MTTP: variants seen among roughly 807,000 people sequenced by gnomAD.
MTTP encodes microsomal triglyceride transfer protein.
In MTTP, 49 loss-of-function variants were observed where a neutral mutation model predicts 90.6. The ratio of observed to expected loss-of-function variants is 0.54; its 90% CI spans 0.43 to 0.69. MTTP has a LOEUF of 0.69. Ranked by LOEUF, MTTP falls within the 30% of genes least tolerant of loss-of-function variation. The probability of loss-of-function intolerance (pLI) is 0.00; values close to 1 mark genes in which losing one functional copy is unlikely to be tolerated. For synonymous variants in MTTP, 347 were observed against 384.2 expected (o/e 0.90, Z 1.13); for missense variants, 945 against 1,067.5 (o/e 0.89, Z 1.60).
Position 99,591,287 on chromosome 4 carries a change from T to G in MTTP, c.554T>G (p.Val185Gly). 6.2e-7 allele frequency: 1 copy of G among 1,614,076 alleles called. No homozygotes were observed. Among genetic ancestry groups the G allele is most frequent in the Non-Finnish European group, 8.5e-7 (1 of 1,179,938 alleles). Residue 185 changes from valine to glycine, a missense_variant, in exon 5 of 18, where the codon GTG becomes GGG. Val to Gly is a moderately radical substitution (Grantham distance 109). Transcript: ENST00000265517. ...KVTYQAHQDK[V>G]IKIKALDSCK... ...ACCTACCAGGCTCATCAAGACAAAG[T>G]GATCAAAATTAAGGCCTTGGATTCA...
intron 1 of MTTP, 39 bp from the exon 2 acceptor site, chr4:99,581,866 T>C (rs977792436): frequency 1.2e-6 from 2 of 1,604,670 alleles, no homozygotes; most frequent in African/African-American, 2.7e-5. Context: ...CATGTTCCCT[T>C]ACAATGAAAA....
intron 3 of MTTP, among the ~76,000 whole-genome samples, chr4:99,587,524 C>T (rs1024326235): frequency 6.6e-6 from 1 of 152,124 alleles, no homozygotes. Context: ...GAACCTTATG[C>T]ACAGTCCAAA....
intron 2 of MTTP, 77 bp from the exon 3 acceptor site, chr4:99,583,297 C>G: frequency 6.7e-7 from 1 of 1,496,650 alleles, no homozygotes; most frequent in Non-Finnish European, 9.1e-7. Context: ...GTTTCTTTAT[C>G]ATTTTATTTT....
chr4:99,618,866 A>G (rs1578257146), intron 15 of MTTP, 108 bp from the exon 16 acceptor site: 1 of 1,438,242 alleles, frequency 7.0e-7, no homozygotes, highest in African/African-American at 1.4e-5. Flanking sequence ...CATCAACACA[A>G]CTCAAATGGA....
chr4:99,616,755 C>T (rs1453985933), intron 15 of MTTP, among the ~76,000 whole-genome samples: 1 of 152,098 alleles, frequency 6.6e-6, no homozygotes, highest in Non-Finnish European at 1.5e-5. Flanking sequence ...TCTTTTGTCC[C>T]TTTGTGTAAG....
intron 1 of MTTP, among the ~76,000 whole-genome samples, chr4:99,575,507 G>A (rs1724934350): frequency 6.6e-6 from 1 of 152,120 alleles, no homozygotes; most frequent in Non-Finnish European, 1.5e-5. Flanking sequence ...AGAATTCATA[G>A]TGAATTAAAG....
chr4:99,589,435 T>A (rs1007795081), intron 3 of MTTP, among the ~76,000 whole-genome samples: 2 of 152,040 alleles, frequency 1.3e-5, no homozygotes, highest in Admixed American at 1.3e-4. Flanking sequence ...AGAGCCTTCA[T>A]TATCGGTCTC....
At chr4:99,614,723 G>A (rs535002942) in intron 15 of MTTP, among the ~76,000 whole-genome samples, 3 of 152,210 alleles carry the variant, frequency 2.0e-5, no homozygotes, top group Non-Finnish European at 4.4e-5. Flanking sequence ...TGGAAGAAGG[G>A]AAGGATAAGA....
rs112407688 is a variant in MTTP, at chr4:99,622,961, G to A, written c.*113G>A. 1 of 1,333,840 alleles carries A rather than the reference G, an allele frequency of 7.5e-7. No homozygotes were observed. Among genetic ancestry groups the A allele is most frequent in the Non-Finnish European group, 1.1e-6 (1 of 931,720 alleles). The allele number at this position is 1,333,840 out of a possible 1,614,324, so 82.6% of individuals were successfully genotyped here. ...CGTTTACATATTTACCTGTATTTAA[G>A]ATTTTTGTAAAAAGCTACAAAAAAC... is the stretch of plus-strand genomic sequence containing the variant. On this transcript the variant is annotated 3_prime_UTR_variant, in exon 18 of 18. Transcript: ENST00000265517.
At chr4:99,619,201 T>G (rs1030911798) in intron 16 of MTTP, 103 bp downstream of exon 16, 2 of 1,085,302 alleles carry the variant, frequency 1.8e-6, no homozygotes, top group Non-Finnish European at 1.4e-6. Context: ...TTTCAAAATC[T>G]ATGCTTTCTA....
chr4:99,591,195 C>G (rs2110218238), intron 4 of MTTP, 40 bp from the exon 5 acceptor site: 1 of 1,439,444 alleles, frequency 6.9e-7, no homozygotes, highest in East Asian at 2.3e-5. Flanking sequence ...AAATGGCCCA[C>G]AAGGAATCCC....
chr4:99,587,250 A>G (rs1725279013), intron 3 of MTTP, among the ~76,000 whole-genome samples: 1 of 152,190 alleles, frequency 6.6e-6, no homozygotes, highest in Admixed American at 6.6e-5. Context: ...GGATCTCATC[A>G]GTCTACACTA....
intron 9 of MTTP, 65 bp from the exon 10 acceptor site, chr4:99,601,542 T>A: frequency 8.2e-7 from 1 of 1,221,272 alleles, no homozygotes. Flanking sequence ...ATTTTTTAAC[T>A]AAAAGTGTTC....
intron 3 of MTTP, among the ~76,000 whole-genome samples, chr4:99,586,494 C>G (rs1340262249): frequency 1.3e-5 from 2 of 152,070 alleles, no homozygotes; most frequent in East Asian, 3.9e-4. Flanking sequence ...TTGATTTGCT[C>G]TCTAAATCAG....
intron 2 of MTTP, among the ~76,000 whole-genome samples, chr4:99,582,747 C>G (rs537997410): frequency 3.9e-5 from 6 of 152,238 alleles, no homozygotes; most frequent in Non-Finnish European, 7.4e-5. Context: ...TGGTGTGAAA[C>G]AGGTACACAG....
intron 1 of MTTP, among the ~76,000 whole-genome samples, chr4:99,566,015 C>T (rs1376810168): frequency 2.6e-5 from 4 of 152,076 alleles, no homozygotes; most frequent in African/African-American, 9.7e-5. Context: ...TGAGGCCGGG[C>T]GTGGTGGCTC....
intron 1 of MTTP, among the ~76,000 whole-genome samples, chr4:99,566,215 G>A (rs562629758): frequency 6.1e-4 from 92 of 151,282 alleles, no homozygotes; most frequent in African/African-American, 2.2e-3. Flanking sequence ...CGTGAACCCG[G>A]GAGGCGGAGC....
chr4:99,591,307 G>T lies in MTTP; in HGVS notation c.574G>T (p.Asp192Tyr). 1 of 1,614,002 alleles carries T rather than the reference G, an allele frequency of 6.2e-7. No individual in the cohort carries two copies. The highest frequency in any genetic ancestry group is 1.1e-5 in the South Asian group (1 of 91,080). ...CAAAGTGATCAAAATTAAGGCCTTG[G>T]ATTCATGCAAAATAGCGAGGTCTGG... is the stretch of plus-strand genomic sequence containing the variant. Reference protein sequence around the residue: ...QDKVIKIKALDSCKIARSGFT... With the variant: ...QDKVIKIKALYSCKIARSGFT... The change falls in exon 5 of 18, where the codon GAT (aspartate) becomes TAT (tyrosine). Residue 192 changes from aspartate (D) to tyrosine (Y), a missense_variant. By Grantham distance (160) the Asp-to-Tyr change is radical (BLOSUM62 -3). Transcript: ENST00000265517.
chr4:99,589,649 G>T lies in MTTP; in HGVS notation c.400G>T (p.Glu134Ter), dbSNP rs760855321. 1 of 1,589,084 alleles carries T rather than the reference G, an allele frequency of 6.3e-7. No homozygotes were observed. Among genetic ancestry groups the T allele is most frequent in the Non-Finnish European group, 8.6e-7 (1 of 1,158,124 alleles). ...GTTCCCCTCTCCCCACCAGGTCAAA[G>T]AGTTCTACTCATATCAAAATGAGGC... is the stretch of plus-strand genomic sequence containing the variant. ...LLHLIHGKVK[E>*]FYSYQNEAVA... is the part of the protein sequence containing the mutation. Residue 134 changes from glutamate (E) to a stop codon, truncating the protein, a stop_gained, in exon 4 of 18, where the codon GAG becomes TAG. Coordinates refer to ENST00000265517, the MANE Select transcript of MTTP (RefSeq NM_001386140.1). LOFTEE classifies it high-confidence loss of function.
Sources: allele counts gnomAD v4.1 joint callset (sites outside exome capture counted in the v4.1 genomes callset), GRCh38; gene constraint gnomAD v4.1.1; transcripts MANE v1.5; gene names NCBI Gene and HGNC (gene_info 2026-07-23, HGNC 2026-07-21).